Variants in RGS6 observed in about 807,000 individuals in gnomAD.
RGS6 encodes the protein regulator of G-protein signaling 6.
A neutral mutation model predicts 78.5 loss-of-function variants in RGS6; 30 were observed. The observed-to-expected ratio is 0.38, with a 90% CI of 0.29 to 0.52. RGS6 has a LOEUF of 0.52. Ranked by LOEUF, RGS6 falls within the 20% of genes least tolerant of loss-of-function variation. The probability of loss-of-function intolerance (pLI) is 0.85; values close to 1 mark genes in which losing one functional copy is unlikely to be tolerated. For synonymous variants in RGS6, 206 were observed against 206.0 expected (o/e 1.00, Z 0.00); for missense variants, 495 against 609.7 (o/e 0.81, Z 1.98).
At chr14:72,199,120 AG>A (rs1158751510) in intron 2 of RGS6, among the ~76,000 whole-genome samples, 1 of 152,196 alleles carries the variant, frequency 6.6e-6, no homozygotes, top group African/African-American at 2.4e-5. Context: ...GAAGGGGAGA[AG>A]GGAATTGATT....
intron 2 of RGS6, among the ~76,000 whole-genome samples, chr14:72,150,276 C>T (rs1016139236): frequency 6.6e-6 from 1 of 152,112 alleles, no homozygotes; most frequent in Non-Finnish European, 1.5e-5. Flanking sequence ...ATGCCAGGAG[C>T]ACCAGAAGCT....
At chr14:72,287,909 A>T (rs1213707108) in intron 2 of RGS6, among the ~76,000 whole-genome samples, 3 of 152,230 alleles carry the variant, frequency 2.0e-5, no homozygotes, top group Non-Finnish European at 4.4e-5. Context: ...TGATTTGCAT[A>T]TGTCAAACTA....
intron 2 of RGS6, among the ~76,000 whole-genome samples, chr14:72,278,677 A>G (rs747286394): frequency 6.6e-6 from 1 of 152,204 alleles, no homozygotes; most frequent in Admixed American, 6.5e-5. Context: ...TTACACAATC[A>G]TGGGAGCTGG....
the RGS6 span, among the ~76,000 whole-genome samples, chr14:71,913,906 G>A: frequency 6.6e-6 from 1 of 152,320 alleles, no homozygotes; most frequent in East Asian, 1.9e-4. Flanking sequence ...GGTAATTAAA[G>A]TGGATTATCT....
intron 2 of RGS6, chr14:72,022,482 A>T (rs1304485641): frequency 6.6e-6 from 1 of 152,226 alleles, no homozygotes; most frequent in Non-Finnish European, 1.5e-5. Context: ...CTGACTGAAC[A>T]ATCAATGGAG....
chr14:72,394,930 TG>T (rs35904044), intron 3 of RGS6, among the ~76,000 whole-genome samples: 1 of 152,234 alleles, frequency 6.6e-6, no homozygotes, highest in African/African-American at 2.4e-5. Context: ...AGTATTAATT[TG>T]GGGAACTAAT....
chr14:72,606,253 T>A, the RGS6 span, among the ~76,000 whole-genome samples: 4,038 of 152,176 alleles, frequency 0.027, 202 homozygotes, highest in African/African-American at 0.093. Context: ...AGGCATGATC[T>A]TTTGGTGCAT....
chr14:72,528,723 A>G (rs904922102), intron 15 of RGS6, among the ~76,000 whole-genome samples: 3 of 152,146 alleles, frequency 2.0e-5, no homozygotes, highest in Non-Finnish European at 4.4e-5. Context: ...AAAGCAAGAA[A>G]GAGAGAGAGC....
intron 3 of RGS6, among the ~76,000 whole-genome samples, chr14:72,428,059 G>T (rs1271364337): frequency 2.0e-5 from 3 of 152,182 alleles, no homozygotes; most frequent in African/African-American, 4.8e-5. Flanking sequence ...GCGGTAAAGG[G>T]ATCCTTAGCT....
At chr14:71,976,600 T>A (rs1463181263) in intron 2 of RGS6, among the ~76,000 whole-genome samples, 1 of 152,220 alleles carries the variant, frequency 6.6e-6, no homozygotes, top group Admixed American at 6.5e-5. Context: ...CTCATTCTTT[T>A]TTATGGCTGC....
intron 3 of RGS6, among the ~76,000 whole-genome samples, chr14:72,385,090 C>G (rs767733537): frequency 5.9e-5 from 9 of 152,112 alleles, no homozygotes; most frequent in Non-Finnish European, 1.3e-4. Flanking sequence ...ACCTGCCCGT[C>G]ATCTTTCCTA....
At chr14:72,310,191 A>T (rs2068231772) in intron 2 of RGS6, among the ~76,000 whole-genome samples, 1 of 152,216 alleles carries the variant, frequency 6.6e-6, no homozygotes, top group Non-Finnish European at 1.5e-5. Flanking sequence ...GTCGGGGTCC[A>T]GGACTGCTGC....
intron 2 of RGS6, among the ~76,000 whole-genome samples, chr14:72,129,303 T>C (rs968593764): frequency 6.6e-6 from 1 of 152,208 alleles, no homozygotes; most frequent in African/African-American, 2.4e-5. Context: ...AAGAATTCTT[T>C]TTCATCTGTG....
intron 3 of RGS6, among the ~76,000 whole-genome samples, chr14:72,423,214 A>T (rs2153113934): frequency 6.6e-6 from 1 of 152,356 alleles, no homozygotes; most frequent in South Asian, 2.1e-4. Context: ...TGCCAGACAT[A>T]GCCACAGACA....
At chr14:71,918,582 T>C in the RGS6 span, among the ~76,000 whole-genome samples, 1 of 152,238 alleles carries the variant, frequency 6.6e-6, no homozygotes, top group Non-Finnish European at 1.5e-5. Flanking sequence ...AACAGAGATG[T>C]AGTTTACAGC....
intron 2 of RGS6, among the ~76,000 whole-genome samples, chr14:72,314,793 A>G (rs575927674): frequency 3.3e-5 from 5 of 152,374 alleles, no homozygotes; most frequent in African/African-American, 9.6e-5. Flanking sequence ...TGTTTATACT[A>G]TGCCTTCCCT....
chr14:72,252,580 G>C (rs554650338), intron 2 of RGS6, among the ~76,000 whole-genome samples: 1 of 152,268 alleles, frequency 6.6e-6, no homozygotes, highest in Admixed American at 6.5e-5. Context: ...AGTAATCCCA[G>C]GAGAGAAGTG....
chr14:72,392,814 C>G (rs2090330162), intron 3 of RGS6, among the ~76,000 whole-genome samples: 1 of 152,154 alleles, frequency 6.6e-6, no homozygotes, highest in Non-Finnish European at 1.5e-5. Context: ...ACCCTGGTCT[C>G]CAGGGTCAAG....
the RGS6 span, among the ~76,000 whole-genome samples, chr14:71,879,004 C>A: frequency 3.9e-5 from 6 of 152,090 alleles, no homozygotes; most frequent in Admixed American, 3.3e-4. Context: ...TTCTGGATAT[C>A]TGTATCGTTC....
Sources: allele counts gnomAD v4.1 joint callset (sites outside exome capture counted in the v4.1 genomes callset), GRCh38; gene constraint gnomAD v4.1.1; transcripts MANE v1.5; gene names NCBI Gene and HGNC (gene_info 2026-07-23, HGNC 2026-07-21).